TBL1XR1: variants seen among roughly 807,000 people sequenced by gnomAD.
The protein encoded by TBL1XR1 is TBL1X/Y related 1, also known as F-box-like/WD repeat-containing protein TBL1XR1.
Under a neutral mutation model 66.9 loss-of-function variants are expected in TBL1XR1, and 5 were observed. That is an observed-to-expected ratio of 0.07 (90% CI 0.04 to 0.16). The LOEUF (loss-of-function observed/expected upper bound fraction) is 0.16. Among genes scored for constraint, TBL1XR1 ranks in the 10% least tolerant of loss-of-function variants. The probability of loss-of-function intolerance (pLI) is 1.00; values close to 1 mark genes in which losing one functional copy is unlikely to be tolerated. For synonymous variants in TBL1XR1, 210 were observed against 206.0 expected (o/e 1.02, Z -0.17); for missense variants, 238 against 623.2 (o/e 0.38, Z 6.58).
chr3:177,052,813 T>C (rs908403713), intron 4 of TBL1XR1, among the ~76,000 whole-genome samples: 1 of 152,054 alleles, frequency 6.6e-6, no homozygotes. Context: ...AGATAAAAAT[T>C]TTAAACTAGG....
intron 9 of TBL1XR1, among the ~76,000 whole-genome samples, chr3:177,046,891 G>A (rs1230329311): frequency 6.6e-6 from 1 of 152,100 alleles, no homozygotes; most frequent in Non-Finnish European, 1.5e-5. Context: ...AGCCGACTTA[G>A]ACAAAGAAGG....
intron 2 of TBL1XR1, 131 bp from the exon 3 acceptor site, chr3:177,065,153 C>A: frequency 2.0e-6 from 1 of 512,468 alleles, no homozygotes; most frequent in Non-Finnish European, 3.2e-6. Flanking sequence ...AATAATAAAA[C>A]CTGACAAAGT....
At chr3:177,193,351 C>G (rs1328288779) in intron 1 of TBL1XR1, among the ~76,000 whole-genome samples, 1 of 151,736 alleles carries the variant, frequency 6.6e-6, no homozygotes, top group Non-Finnish European at 1.5e-5. Context: ...CCCTCTATCG[C>G]CCAGGCTGGA....
intron 1 of TBL1XR1, among the ~76,000 whole-genome samples, chr3:177,114,322 A>G (rs1366320614): frequency 6.6e-6 from 1 of 151,706 alleles, no homozygotes; most frequent in Non-Finnish European, 1.5e-5. Flanking sequence ...TGATATATAT[A>G]TGATAGGGTC....
chr3:177,193,464 C>A (rs192165256), intron 1 of TBL1XR1, among the ~76,000 whole-genome samples: 10 of 152,166 alleles, frequency 6.6e-5, no homozygotes, highest in Non-Finnish European at 1.3e-4. Flanking sequence ...GTACCCGCCA[C>A]CACGCCCAGC....
intron 3 of TBL1XR1, among the ~76,000 whole-genome samples, chr3:177,058,187 G>A (rs928014929): frequency 1.3e-5 from 2 of 152,152 alleles, no homozygotes; most frequent in South Asian, 2.1e-4. Flanking sequence ...AGTCTGAAAC[G>A]AAAATCTGAT....
intron 1 of TBL1XR1, among the ~76,000 whole-genome samples, chr3:177,180,543 A>G (rs1041123684): frequency 2.0e-5 from 3 of 152,100 alleles, no homozygotes; most frequent in Admixed American, 2.0e-4. Flanking sequence ...TACTGTTGCA[A>G]TCATTTTAAG....
At chr3:177,038,211 G>A (rs370893325) in intron 11 of TBL1XR1, 39 bp from the exon 12 acceptor site, 696 of 1,606,404 alleles carry the variant, frequency 4.3e-4, no homozygotes, top group Non-Finnish European at 5.7e-4. Flanking sequence ...TCATTGTATA[G>A]ACTGGGTAGC....
chr3:177,058,950 G>C (rs1290933077), intron 3 of TBL1XR1, among the ~76,000 whole-genome samples: 2 of 152,194 alleles, frequency 1.3e-5, no homozygotes, highest in African/African-American at 4.8e-5. Context: ...GTAATTATCA[G>C]CATTTATGAC....
At chr3:177,092,451 T>C (rs1185556724) in intron 2 of TBL1XR1, among the ~76,000 whole-genome samples, 2 of 151,752 alleles carry the variant, frequency 1.3e-5, no homozygotes, top group Non-Finnish European at 1.5e-5. Context: ...AGGGAAAAAA[T>C]AGGTAGAAGC....
intron 1 of TBL1XR1, among the ~76,000 whole-genome samples, chr3:177,144,772 AAAAG>A (rs1730052102): frequency 6.6e-6 from 1 of 152,160 alleles, no homozygotes; most frequent in South Asian, 2.1e-4. Context: ...GAAAAAAAGA[AAAAG>A]AAAGCAGCCA....
chr3:177,087,416 T>C (rs1330228357), intron 2 of TBL1XR1, among the ~76,000 whole-genome samples: 1 of 152,058 alleles, frequency 6.6e-6, no homozygotes, highest in Non-Finnish European at 1.5e-5. Flanking sequence ...GCCTAACATA[T>C]AGAGGGTTGT....
At chr3:177,154,146 G>A (rs1407875651) in intron 1 of TBL1XR1, among the ~76,000 whole-genome samples, 2 of 151,916 alleles carry the variant, frequency 1.3e-5, no homozygotes, top group Admixed American at 1.3e-4. Context: ...CTGTTTAAAA[G>A]AATCCCATGT....
chr3:177,132,200 A>C (rs1481395232), intron 1 of TBL1XR1, among the ~76,000 whole-genome samples: 1 of 152,194 alleles, frequency 6.6e-6, no homozygotes, highest in African/African-American at 2.4e-5. Flanking sequence ...TTATGTAGCA[A>C]AAATATGCCT....
rs928357421 is a variant in TBL1XR1 at position 177,021,099 on chromosome 3, A to G, written c.*4399T>C. On this transcript the variant is annotated 3_prime_UTR_variant, in exon 16 of 16. Transcript: ENST00000457928. ...AGTTAACTGGATAACTAAAGAAATG[A>G]TGCAGACATTTTAATCCAGTGCTAT... 3 of 152,198 alleles carry G rather than the reference A, an allele frequency of 2.0e-5. No individual in the cohort carries two copies. Among genetic ancestry groups the G allele is most frequent in the African/African-American group, 7.2e-5 (3 of 41,458 alleles). The allele number at this position is 152,198 out of a possible 1,614,324, so 9.4% of individuals were successfully genotyped here. A position where few individuals can be genotyped will look rare whatever the true frequency, so the allele number is the denominator to read the frequency against.
At chr3:177,062,516 G>A (rs2108531474) in intron 3 of TBL1XR1, among the ~76,000 whole-genome samples, 1 of 152,198 alleles carries the variant, frequency 6.6e-6, no homozygotes, top group South Asian at 2.1e-4. Context: ...TGCAGTCCTG[G>A]GAAAACTGCC....
At chr3:177,102,729 C>G (rs1038282679) in intron 1 of TBL1XR1, among the ~76,000 whole-genome samples, 1 of 152,190 alleles carries the variant, frequency 6.6e-6, no homozygotes, top group African/African-American at 2.4e-5. Context: ...CCTGACATTC[C>G]TCATTCCTTA....
intron 1 of TBL1XR1, among the ~76,000 whole-genome samples, chr3:177,114,237 TATATATATACATCTC>T (rs752639342): frequency 7.3e-4 from 110 of 151,518 alleles, no homozygotes; most frequent in Non-Finnish European, 1.2e-3. Context: ...ATACACATCA[TATATATATACATCTC>T]ATATATATAA....
At chr3:177,065,506 T>TC (rs1435547949) in intron 2 of TBL1XR1, among the ~76,000 whole-genome samples, 5 of 152,216 alleles carry the variant, frequency 3.3e-5, no homozygotes, top group African/African-American at 1.2e-4. Flanking sequence ...GTCTCTATTT[T>TC]CTCACCATCT....
Sources: gnomAD v4.1 joint callset for allele counts (sites outside exome capture counted in the v4.1 genomes callset) on GRCh38, gnomAD v4.1.1 for gene constraint, MANE v1.5 for transcripts, NCBI Gene and HGNC (gene_info 2026-07-23, HGNC 2026-07-21) for gene names.